The following UEVLD variants were observed in gnomAD, a reference collection of about 807,000 sequenced individuals.
UEVLD encodes ubiquitin-conjugating enzyme E2 variant 3.
Under a neutral mutation model 58.6 loss-of-function variants are expected in UEVLD, and 47 were observed. The ratio of observed to expected loss-of-function variants is 0.80; its 90% CI spans 0.63 to 1.02. The LOEUF (loss-of-function observed/expected upper bound fraction) is 1.02, where lower values mean the gene tolerates loss of function less well. UEVLD is among the 50% of genes least tolerant of loss of function. UEVLD has a pLI of 0.00. For synonymous variants in UEVLD, 197 were observed against 195.3 expected (o/e 1.01, Z -0.07); for missense variants, 510 against 550.6 (o/e 0.93, Z 0.74).
intron 1 of UEVLD, among the ~76,000 whole-genome samples, chr11:18,585,437 C>A (rs1217171307): frequency 6.6e-6 from 1 of 152,150 alleles, no homozygotes; most frequent in Non-Finnish European, 1.5e-5. Context: ...TCTCTCCATT[C>A]TCCTTTCGCC....
Position 18,547,089 on chromosome 11 carries a change from G to A in UEVLD, c.716-39C>T, listed in dbSNP as rs373000524. 3 of 1,576,930 alleles carry A rather than the reference G, an allele frequency of 1.9e-6. No individual in the cohort carries two copies. The African/African-American group carries it at 4.1e-5, about 22-fold the overall frequency. On this transcript the variant is annotated intron_variant, in intron 7 of 11. Coordinates refer to ENST00000396197, the MANE Select transcript of UEVLD (RefSeq NM_001040697.4). ...AGAAACAGTCTGAGCTGAAGATACAGGCTTTAATCAAGTTCTAGTTCACGA... is the reference window on the plus strand; with the variant it reads ...AGAAACAGTCTGAGCTGAAGATACAAGCTTTAATCAAGTTCTAGTTCACGA...
chr11:18,552,372 C>A, intron 7 of UEVLD, among the ~76,000 whole-genome samples: 1 of 151,962 alleles, frequency 6.6e-6, no homozygotes, highest in East Asian at 1.9e-4. Flanking sequence ...CATGGTGAAA[C>A]CCCGTCTCTA....
chr11:18,588,306 CAGAG>C (rs764334793), intron 1 of UEVLD, among the ~76,000 whole-genome samples: 1 of 152,102 alleles, frequency 6.6e-6, no homozygotes, highest in Non-Finnish European at 1.5e-5. Flanking sequence ...ACCATTTCAG[CAGAG>C]AGAAAGAGAG....
At chr11:18,575,318 TCA>T in intron 3 of UEVLD, 27 bp downstream of exon 3, 1 of 1,578,716 alleles carries the variant, frequency 6.3e-7, no homozygotes, top group East Asian at 2.2e-5. Flanking sequence ...TTTAGAAAAC[TCA>T]CACATTTTTT....
intron 8 of UEVLD, among the ~76,000 whole-genome samples, chr11:18,545,900 A>G (rs754217326): frequency 3.9e-5 from 6 of 152,224 alleles, no homozygotes; most frequent in Non-Finnish European, 7.3e-5. Context: ...CTGAATTTCT[A>G]TCTTTAAATT....
chr11:18,585,544 A>T (rs1853503757), intron 1 of UEVLD, among the ~76,000 whole-genome samples: 1 of 152,004 alleles, frequency 6.6e-6, no homozygotes, highest in Non-Finnish European at 1.5e-5. Flanking sequence ...AGTCTATTCC[A>T]CACCAATGCC....
At chr11:18,557,163 G>C (rs1054345244) in intron 7 of UEVLD, among the ~76,000 whole-genome samples, 1 of 149,094 alleles carries the variant, frequency 6.7e-6, no homozygotes, top group African/African-American at 2.5e-5. Context: ...TTTTGTTTTT[G>C]TTTTTTTGAG....
intron 3 of UEVLD, 144 bp downstream of exon 3, chr11:18,575,203 T>C: frequency 3.8e-6 from 3 of 796,304 alleles, no homozygotes; most frequent in Non-Finnish European, 5.9e-6. Flanking sequence ...AGGCCTTCCT[T>C]GACTGGAACA....
At position 18,544,611 on chromosome 11, in the gene UEVLD, C is replaced by T. The variant is rs1305093624; in HGVS notation, c.1060+12G>A. 4.4e-6 allele frequency: 7 copies of T among 1,579,848 alleles called. No individual in the cohort carries two copies. The highest frequency in any genetic ancestry group is 4.1e-5 in the African/African-American group (3 of 72,530). On this transcript the variant is annotated intron_variant, in intron 9 of 11. Transcript: ENST00000396197. ...TGAGCCACCACACCCAGCCTAAAAA[C>T]GTACTTCTTACCTTTGTCTTCTCCT...
intron 3 of UEVLD, among the ~76,000 whole-genome samples, chr11:18,575,053 C>A (rs145982756): frequency 2.6e-5 from 4 of 152,246 alleles, no homozygotes; most frequent in African/African-American, 9.6e-5. Context: ...AATACAGCTT[C>A]CTAGTGTCTT....
chr11:18,557,823 G>A (rs778598234), intron 7 of UEVLD, among the ~76,000 whole-genome samples: 1 of 152,162 alleles, frequency 6.6e-6, no homozygotes, highest in Non-Finnish European at 1.5e-5. Flanking sequence ...AAGTTTGAGA[G>A]ATTATATAAT....
chr11:18,588,214 G>A (rs933799845), intron 1 of UEVLD, among the ~76,000 whole-genome samples: 1 of 152,182 alleles, frequency 6.6e-6, no homozygotes, highest in African/African-American at 2.4e-5. Flanking sequence ...CAGAAGGGTT[G>A]ATTCAATCTT....
intron 9 of UEVLD, among the ~76,000 whole-genome samples, chr11:18,542,906 T>TTTTTTTTTTTTTC (rs56991491): frequency 6.7e-6 from 1 of 149,770 alleles, no homozygotes; most frequent in African/African-American, 2.4e-5. Flanking sequence ...TTTTTTTTTT[T>TTTTTTTTTTTTTC]CTTTGAGACT....
intron 7 of UEVLD, among the ~76,000 whole-genome samples, chr11:18,554,142 A>C (rs1851650450): frequency 6.6e-6 from 1 of 152,114 alleles, no homozygotes; most frequent in Non-Finnish European, 1.5e-5. Context: ...CCCAGGATGG[A>C]GTGCAATGGC....
At chr11:18,588,274 AG>A (rs1853688678) in intron 1 of UEVLD, among the ~76,000 whole-genome samples, 1 of 152,122 alleles carries the variant, frequency 6.6e-6, no homozygotes, top group Non-Finnish European at 1.5e-5. Context: ...TTGCAATTCA[AG>A]AAAAAAGAAA....
chr11:18,586,215 A>AT lies in UEVLD; in HGVS notation c.42+2397dup, dbSNP rs1005237571. 7.1e-4 allele frequency among the ~76,000 whole-genome samples: 107 copies of AT among 151,200 alleles called. 1 individual carries two copies. In the Middle Eastern group the frequency reaches 0.01, roughly 15 times the overall value. On this transcript the variant is annotated intron_variant, in intron 1 of 11. Transcript: ENST00000396197. Reference sequence around the variant, plus strand: ...CTAAGTTTTAAAAAATTTTAAATTCATTTTTTTTTATTTTTTTGAGATGGG... The same window carrying AT: ...CTAAGTTTTAAAAAATTTTAAATTCATTTTTTTTTTATTTTTTTGAGATGGG...
intron 6 of UEVLD, among the ~76,000 whole-genome samples, chr11:18,559,343 C>T (rs1366943756): frequency 5.3e-5 from 8 of 152,118 alleles, no homozygotes; most frequent in South Asian, 4.1e-4. Context: ...GGATTACAGG[C>T]GTGCACCACC....
intron 8 of UEVLD, among the ~76,000 whole-genome samples, chr11:18,545,062 ATC>A (rs1485049437): frequency 0.023 from 682 of 29,618 alleles, 10 homozygotes; most frequent in African/African-American, 0.065. Flanking sequence ...CTATATCTAT[ATC>A]TATATCTATA....
intron 2 of UEVLD, among the ~76,000 whole-genome samples, chr11:18,577,667 C>T (rs1166979206): frequency 1.3e-5 from 2 of 152,052 alleles, no homozygotes; most frequent in Non-Finnish European, 2.9e-5. Context: ...GTCAGGAGTT[C>T]GAGACCAGAC....
Sources: gnomAD v4.1 joint callset for allele counts (sites outside exome capture counted in the v4.1 genomes callset) on GRCh38, gnomAD v4.1.1 for gene constraint, MANE v1.5 for transcripts, NCBI Gene and HGNC (gene_info 2026-07-23, HGNC 2026-07-21) for gene names.